ABCF2: variants seen among roughly 807,000 people sequenced by gnomAD.
The protein encoded by ABCF2 is ATP binding cassette subfamily F member 2, also known as ATP-binding cassette sub-family F member 2.
A neutral mutation model predicts 76.9 loss-of-function variants in ABCF2; 37 were observed. The observed-to-expected ratio is 0.48, with a 90% CI of 0.37 to 0.63. ABCF2 has a LOEUF of 0.63. ABCF2 is among the 30% of genes least tolerant of loss of function. ABCF2 has a pLI of 0.00. For synonymous variants in ABCF2, 299 were observed against 283.7 expected (o/e 1.05, Z -0.54); for missense variants, 524 against 782.1 (o/e 0.67, Z 3.94).
At chr7:151,220,780 G>C (rs745830511) in intron 7 of ABCF2, among the ~76,000 whole-genome samples, 12 of 152,240 alleles carry the variant, frequency 7.9e-5, no homozygotes, top group Non-Finnish European at 1.6e-4. Flanking sequence ...CTGAAGTCAA[G>C]AGTTCAAGAC....
chr7:151,221,559 G>T lies in ABCF2; in HGVS notation c.921+19C>A. 7 of 1,370,746 alleles carry T rather than the reference G, an allele frequency of 5.1e-6. No individual in the cohort carries two copies. The highest frequency in any genetic ancestry group is 7.3e-6 in the Non-Finnish European group (7 of 963,150). 84.9% of individuals were successfully genotyped at this position (1,370,746 alleles called of 1,614,324 possible). On this transcript the variant is annotated intron_variant, in intron 7 of 14. Coordinates refer to ENST00000287844, the MANE Select transcript of ABCF2 (RefSeq NM_007189.3). The stretch of plus-strand genomic sequence containing the variant: ...TTGGTATGCACAGAGATTACCAGAA[G>T]AAGCCGAGGCCCACTCACCGTATAA...
At position 151,226,507 on chromosome 7, in the gene ABCF2, G is replaced by T; in HGVS notation, c.-42-7C>A. ...TACTGTTGTTTCAGGGAGCCTGAAG[G>T]AAGGCAAACAGATACCCCCAAACCC... On this transcript the variant is annotated splice_polypyrimidine_tract_variant and splice_region_variant and intron_variant, in intron 1 of 14. Transcript: ENST00000287844. 1 of 1,590,114 alleles carries T rather than the reference G, an allele frequency of 6.3e-7. No individual in the cohort carries two copies. Among genetic ancestry groups the T allele is most frequent in the Non-Finnish European group, 8.6e-7 (1 of 1,167,680 alleles).
Position 151,223,958 on chromosome 7 carries a change from T to C in ABCF2, c.524A>G (p.Glu175Gly). The C allele has an allele frequency of 6.2e-7, 1 of 1,613,638 alleles. No individual in the cohort carries two copies. The highest frequency in any genetic ancestry group is 8.5e-7 in the Non-Finnish European group (1 of 1,179,658). Residue 175 changes from glutamate to glycine, a missense_variant, in exon 4 of 15, where the codon GAG becomes GGG. Glu to Gly is a moderately conservative substitution (Grantham distance 98). This residue lies in a region of ABCF2 where 330 missense variants were observed against 433.6 expected (regional missense o/e 0.76). Transcript: ENST00000287844. ...VDTERAMLEKEAERLAHEDAE... is the reference protein window; with the variant it reads ...VDTERAMLEKGAERLAHEDAE... ...ATCCTCATGAGCCAGCCGCTCTGCC[T>C]CTTTCTCCAGCATGGCCCGCTCTGT...
At chr7:151,218,383 T>C (rs771449461) in intron 10 of ABCF2, among the ~76,000 whole-genome samples, 178 bp downstream of exon 10, 5 of 152,060 alleles carry the variant, frequency 3.3e-5, no homozygotes, top group Non-Finnish European at 5.9e-5. Context: ...CTTCTTTCCA[T>C]ATACACGAAG....
Position 151,226,259 on chromosome 7 carries a change from A to G in ABCF2, c.154+46T>C, listed in dbSNP as rs373363044. Reference sequence around the variant, plus strand: ...GATTCCAACTCTGGCTGGGGCATGCATTAAGTCTTAGCAACCATCCCCAAC... The same window carrying G: ...GATTCCAACTCTGGCTGGGGCATGCGTTAAGTCTTAGCAACCATCCCCAAC... On this transcript the variant is annotated intron_variant, in intron 2 of 14. Coordinates refer to ENST00000287844, the MANE Select transcript of ABCF2 (RefSeq NM_007189.3). 3.8e-6 allele frequency: 6 copies of G among 1,593,244 alleles called. No individual in the cohort carries two copies. The African/African-American group carries it at 6.7e-5, about 18-fold the overall frequency.
In ABCF2 at chr7:151,226,393, C is replaced by T. The variant is rs776860887; in HGVS notation, c.66G>A (p.Arg22=). ...KKKEAAKARQ[R]PRKGHEENGD... The stretch of plus-strand genomic sequence containing the variant: ...CATTTTCTTCATGTCCTTTTCTGGG[C>T]CGCTGTCGAGCTTTGGCAGCCTCCT... The change falls in exon 2 of 15, where the codon CGG becomes CGA. Residue 22 remains arginine (R), a synonymous_variant. Coordinates refer to ENST00000287844, the MANE Select transcript of ABCF2 (RefSeq NM_007189.3). The T allele has an allele frequency of 6.2e-7, 1 of 1,614,152 alleles. No individual in the cohort carries two copies. Among genetic ancestry groups the T allele is most frequent in the African/African-American group, 1.3e-5 (1 of 75,016 alleles).
At chr7:151,220,018 G>A (rs59066922) in intron 7 of ABCF2, among the ~76,000 whole-genome samples, 8,525 of 152,146 alleles carry the variant, frequency 0.056, 300 homozygotes, top group East Asian at 0.14. Context: ...AGGATCGCTT[G>A]AACCTGGGAG....
intron 10 of ABCF2, 71 bp downstream of exon 10, chr7:151,218,490 G>T (rs1040383880): frequency 1.5e-6 from 2 of 1,368,540 alleles, no homozygotes; most frequent in Non-Finnish European, 2.1e-6. Flanking sequence ...GCACAGAACA[G>T]GAGCAACTCC....
rs537041848 is a variant in ABCF2, at chr7:151,214,285, C to T, written c.1735-94G>A. On this transcript the variant is annotated intron_variant, in intron 14 of 14. Transcript: ENST00000287844. The surrounding 1 kb of genome is among the most constrained non-coding windows in gnomAD (Gnocchi z 4.9). Reference sequence around the variant, plus strand: ...TGAGGGGCGTCTAGGAAGAAAACTCCGCCCCCCAAACCCATATCCAACTCA... The same window carrying T: ...TGAGGGGCGTCTAGGAAGAAAACTCTGCCCCCCAAACCCATATCCAACTCA... 51 of 1,579,434 alleles carry T rather than the reference C, an allele frequency of 3.2e-5. No individual in the cohort carries two copies. In the African/African-American group the frequency reaches 5.1e-4, roughly 16 times the overall value.
chr7:151,213,758 T>C lies in ABCF2; in HGVS notation c.*296A>G. ...TTGGGCCCCTGGGCTAACCCGCAGG[T>C]GCCTCTGACTGCATCACACTCAGAG... On this transcript the variant is annotated 3_prime_UTR_variant, in exon 15 of 15. Transcript: ENST00000287844. 8.6e-7 allele frequency: 1 copy of C among 1,162,124 alleles called. No homozygotes were observed. Among genetic ancestry groups the C allele is most frequent in the East Asian group, 5.4e-5 (1 of 18,636 alleles). The allele number at this position is 1,162,124 out of a possible 1,614,324, so 72.0% of individuals were successfully genotyped here. A position where few individuals can be genotyped will look rare whatever the true frequency, so the allele number is the denominator to read the frequency against.
At position 151,214,046 on chromosome 7, in the gene ABCF2, T is replaced by G. The variant is rs749887771; in HGVS notation, c.*8A>C. The stretch of plus-strand genomic sequence containing the variant: ...ATGGAGCTCCTGACCCGAACCCAGG[T>G]AGAGGGCTCACACGTTGTGGGTCCT... On this transcript the variant is annotated 3_prime_UTR_variant, in exon 15 of 15. Transcript: ENST00000287844. The surrounding 1 kb of genome is among the most constrained non-coding windows in gnomAD (Gnocchi z 4.9). The G allele has an allele frequency of 6.2e-7, 1 of 1,612,928 alleles. No homozygotes were observed. The highest frequency in any genetic ancestry group is 1.7e-5 in the Admixed American group (1 of 59,914).
chr7:151,217,047 G>C (rs908109823), intron 11 of ABCF2, among the ~76,000 whole-genome samples: 4 of 152,154 alleles, frequency 2.6e-5, no homozygotes, highest in African/African-American at 9.7e-5. Context: ...AATGTGGCTG[G>C]TTTGCTGACT....
rs1285513623 is a variant in ABCF2, at chr7:151,219,370, G to C, written c.922-211C>G. Reference sequence around the variant, plus strand: ...CTATGCCCCTCGCTCAGCCCAGCCAGGGCCAGGCTCCAGCGCAAATCCTTA... The same window carrying C: ...CTATGCCCCTCGCTCAGCCCAGCCACGGCCAGGCTCCAGCGCAAATCCTTA... On this transcript the variant is annotated intron_variant, in intron 7 of 14. Transcript: ENST00000287844. Among the ~76,000 whole-genome samples, 5 of 152,318 alleles carry C rather than the reference G, an allele frequency of 3.3e-5. No homozygotes were observed. In the East Asian group the frequency reaches 9.6e-4, roughly 29 times the overall value.
In ABCF2 at chr7:151,224,888, A is replaced by G. The variant is rs1802342379; in HGVS notation, c.255T>C (p.Asp85=). The change falls in exon 3 of 15, where the codon GAT becomes GAC. Residue 85 remains aspartate (D), a synonymous_variant. Transcript: ENST00000287844. ...TAAGTGAGAGGTTGATGATGTGAACATCAGTACTGTTGGGGTGAGAGGCCA... is the reference window on the plus strand; with the variant it reads ...TAAGTGAGAGGTTGATGATGTGAACGTCAGTACTGTTGGGGTGAGAGGCCA... ...GVLASHPNST[D]VHIINLSLTF... 2 of 1,614,172 alleles carry G rather than the reference A, an allele frequency of 1.2e-6. No individual in the cohort carries two copies. Among genetic ancestry groups the G allele is most frequent in the Admixed American group, 1.7e-5 (1 of 60,026 alleles).
chr7:151,215,695 A>G lies in ABCF2; in HGVS notation c.1439T>C (p.Leu480Ser). ...TGGGTAGCACTTCATCATGTACTCC[A>G]AAGGTGAGAGATCTAAGTCCAGCTG... The part of the protein sequence containing the change: ...QEQLDLDLSP[L>S]EYMMKCYPEI... Residue 480 changes from leucine to serine, a missense_variant, in exon 13 of 15, where the codon TTG (leucine) becomes TCG (serine). By Grantham distance (145) the Leu-to-Ser change is moderately radical. Coordinates refer to ENST00000287844, the MANE Select transcript of ABCF2 (RefSeq NM_007189.3). The surrounding 1 kb of genome is among the most constrained non-coding windows in gnomAD (Gnocchi z 4.6). The G allele has an allele frequency of 6.2e-7, 1 of 1,614,174 alleles. No individual in the cohort carries two copies. Among genetic ancestry groups the G allele is most frequent in the East Asian group, 2.2e-5 (1 of 44,884 alleles).
chr7:151,217,322 A>G (rs993131299), intron 11 of ABCF2, among the ~76,000 whole-genome samples: 2 of 152,214 alleles, frequency 1.3e-5, no homozygotes, highest in African/African-American at 4.8e-5. Context: ...GGAATTGGGA[A>G]GAAACTGAAG....
At chr7:151,216,766 G>A (rs2792451) in intron 11 of ABCF2, among the ~76,000 whole-genome samples, 2,892 of 152,112 alleles carry the variant, frequency 0.019, 82 homozygotes, top group African/African-American at 0.064. Context: ...TGCCTGCCTC[G>A]GCCTCCCAAA....
In ABCF2 at chr7:151,217,759, T is replaced by C. The variant is rs1421455968; in HGVS notation, c.1338+322A>G. Among the ~76,000 whole-genome samples the C allele has an allele frequency of 2.0e-5, 3 of 148,578 alleles. No individual in the cohort carries two copies. The Admixed American group carries it at 2.0e-4, about 10-fold the overall frequency. On this transcript the variant is annotated intron_variant, in intron 11 of 14. Coordinates refer to ENST00000287844, the MANE Select transcript of ABCF2 (RefSeq NM_007189.3). The stretch of plus-strand genomic sequence containing the variant: ...GGTGAGCTGAGATCGCACATTGCAC[T>C]CCAGCCTGGGCAACAGAGCGAGACT...
At chr7:151,221,872 T>G (rs1476694874) in intron 6 of ABCF2, 192 bp from the exon 7 acceptor site, 1 of 528,808 alleles carries the variant, frequency 1.9e-6, no homozygotes, top group East Asian at 3.2e-5. Flanking sequence ...CCTTTCAGTG[T>G]GGCGAGACAG....
Sources: gnomAD v4.1 joint callset for allele counts (sites outside exome capture counted in the v4.1 genomes callset) on GRCh38, gnomAD v4.1.1 for gene constraint, gnomAD v4.1.1 regional missense constraint, Gnocchi (gnomAD v3.1) non-coding constraint, MANE v1.5 for transcripts, NCBI Gene and HGNC (gene_info 2026-07-23, HGNC 2026-07-21) for gene names.